Variants in DNAH5 observed in about 807,000 individuals in gnomAD.
DNAH5 encodes the protein dynein axonemal heavy chain 5, also known as axonemal beta dynein heavy chain 5.
DNAH5 carries 372 observed loss-of-function variants against 518.2 expected under a neutral mutation model. The ratio of observed to expected loss-of-function variants is 0.72; its 90% CI spans 0.66 to 0.78. The LOEUF is 0.78. DNAH5 is among the 30% of genes least tolerant of loss of function. DNAH5 has a pLI of 0.00. For missense variants in DNAH5, 5,523 were observed against 5,687.0 expected, an observed-to-expected ratio of 0.97 and a Z score of 0.93; for synonymous variants, 2,039 against 2,025.9, an observed-to-expected ratio of 1.01 and a Z score of -0.17.
rs771039736 is a variant in DNAH5 at position 13,811,769 on chromosome 5, T to C, written c.7285A>G (p.Thr2429Ala). ...CGATACAAGTCTGGGAAAGACTCGG[T>C]GTACAGCTGACGAAGAATTTCTGCT... ...QEAEILRQLYTESFPDLYRFC... is the reference protein window; with the variant it reads ...QEAEILRQLYAESFPDLYRFC... Residue 2429 changes from threonine (T) to alanine (A), a missense_variant, in exon 44 of 79, where the codon ACC (threonine) becomes GCC (alanine). Thr to Ala is a moderately conservative substitution (Grantham distance 58). Around this residue, in one of 3 missense-constraint regions of DNAH5, gnomAD observed 5,121 missense variants for 5,223.3 expected, o/e 0.98. Coordinates refer to ENST00000265104, the MANE Select transcript of DNAH5 (RefSeq NM_001369.3). 1 of 1,614,182 alleles carries C rather than the reference T, an allele frequency of 6.2e-7. No individual in the cohort carries two copies. Among genetic ancestry groups the C allele is most frequent in the Non-Finnish European group, 8.5e-7 (1 of 1,180,028 alleles).
intron 78 of DNAH5, among the ~76,000 whole-genome samples, chr5:13,693,816 G>T (rs10037089): frequency 0.014 from 2,115 of 152,268 alleles, 55 homozygotes; most frequent in African/African-American, 0.047. Flanking sequence ...TCTCATGAAA[G>T]TAATCATTAG....
rs778297153 is a variant in DNAH5 at position 13,776,659 on chromosome 5, G to C, written c.9153C>G (p.Asp3051Glu). Reference protein sequence around the residue: ...ARDEIDEINSDLASVMKKEFP... With the variant: ...ARDEIDEINSELASVMKKEFP... ...ATTCTTTTTTCATGACTGATGCCAG[G>C]TCGCTATTAATTTCATCAATTTCAT... Residue 3051 changes from aspartate to glutamate, a missense_variant, in exon 55 of 79, where the codon GAC becomes GAG. Transcript: ENST00000265104. The C allele has an allele frequency of 6.2e-7, 1 of 1,613,716 alleles. No homozygotes were observed.
chr5:13,839,330 G>T, intron 35 of DNAH5, 26 bp downstream of exon 35: 1 of 1,611,090 alleles, frequency 6.2e-7, no homozygotes, highest in Middle Eastern at 1.7e-4. Context: ...AAAAATGGTG[G>T]GGGTTGGGGA....
chr5:13,690,718 G>T lies in DNAH5; in HGVS notation c.*1266C>A, dbSNP rs1341005922. The stretch of plus-strand genomic sequence containing the variant: ...ACTATATTTTCTAGTCAGTAGGTTA[G>T]ATGAAGAATTATTAATAACATCTAA... On this transcript the variant is annotated 3_prime_UTR_variant, in exon 79 of 79. Transcript: ENST00000265104. 1 of 152,164 alleles carries T rather than the reference G, an allele frequency of 6.6e-6. No homozygotes were observed. The highest frequency in any genetic ancestry group is 1.5e-5 in the Non-Finnish European group (1 of 68,022). The allele number at this position is 152,164 out of a possible 1,614,324, so 9.4% of individuals were successfully genotyped here.
chr5:13,862,092 T>C (rs1461473161), intron 29 of DNAH5, among the ~76,000 whole-genome samples: 1 of 152,208 alleles, frequency 6.6e-6, no homozygotes, highest in Non-Finnish European at 1.5e-5. Flanking sequence ...AAAATGATTA[T>C]TCTGAAATTC....
chr5:13,791,770 T>C (rs112100990), intron 50 of DNAH5, among the ~76,000 whole-genome samples: 3 of 152,338 alleles, frequency 2.0e-5, no homozygotes, highest in African/African-American at 7.2e-5. Flanking sequence ...ATTGTGTATA[T>C]GATGTTCTTA....
chr5:13,953,770 C>T (rs548452226), intron 1 of DNAH5, among the ~76,000 whole-genome samples: 29 of 152,260 alleles, frequency 1.9e-4, no homozygotes, highest in Admixed American at 7.2e-4. Flanking sequence ...TGCAATGGCG[C>T]GATCTCGGCT....
chr5:13,748,190 GATGTGTGGTA>G (rs1349740962), intron 65 of DNAH5, among the ~76,000 whole-genome samples: 6 of 152,164 alleles, frequency 3.9e-5, no homozygotes, highest in Non-Finnish European at 7.4e-5. Flanking sequence ...GATAGTTGTA[GATGTGTGGTA>G]TTATTTCTGA....
At position 13,793,964 on chromosome 5, in the gene DNAH5, A is replaced by T; in HGVS notation, c.7982T>A (p.Met2661Lys). 1 of 1,614,116 alleles carries T rather than the reference A, an allele frequency of 6.2e-7. No homozygotes were observed. The highest frequency in any genetic ancestry group is 8.5e-7 in the Non-Finnish European group (1 of 1,179,962). Residue 2661 changes from methionine (M) to lysine (K), a missense_variant, in exon 48 of 79, where the codon ATG becomes AAG. Physicochemically the swap from Met to Lys is moderately conservative, Grantham distance 95. This residue lies in a region of DNAH5 where 5,121 missense variants were observed against 5,223.3 expected (regional missense o/e 0.98). Coordinates refer to ENST00000265104, the MANE Select transcript of DNAH5 (RefSeq NM_001369.3). ...ATCTCCCCACTCATTGATTATTGGC[A>T]TATTCACATCATCAATAAAAACAGT... ...KMTVFIDDVN[M>K]PIINEWGDQV...
intron 57 of DNAH5, 118 bp from the exon 58 acceptor site, chr5:13,769,254 T>G (rs1342440826): frequency 1.5e-5 from 18 of 1,205,146 alleles, no homozygotes; most frequent in Non-Finnish European, 2.0e-5. Flanking sequence ...GTTGTTTTTT[T>G]TTTTTTTTTT....
At chr5:13,738,801 ACT>A (rs1232654793) in intron 65 of DNAH5, among the ~76,000 whole-genome samples, 2 of 152,030 alleles carry the variant, frequency 1.3e-5, no homozygotes, top group African/African-American at 4.8e-5. Context: ...TATATGAGAG[ACT>A]CTATCTGTGA....
intron 1 of DNAH5, among the ~76,000 whole-genome samples, chr5:13,991,611 G>T (rs1304734371): frequency 6.6e-6 from 1 of 151,514 alleles, no homozygotes; most frequent in Non-Finnish European, 1.5e-5. Context: ...GGAGGAAGGG[G>T]AGAGGGAGAT....
chr5:13,985,723 T>C (rs1783007413), intron 1 of DNAH5, among the ~76,000 whole-genome samples: 1 of 152,088 alleles, frequency 6.6e-6, no homozygotes, highest in Non-Finnish European at 1.5e-5. Flanking sequence ...CAGAAGACCC[T>C]TGAGTCGGGA....
intron 12 of DNAH5, among the ~76,000 whole-genome samples, chr5:13,910,021 AAC>A (rs1357045245): frequency 6.6e-6 from 1 of 152,196 alleles, no homozygotes; most frequent in African/African-American, 2.4e-5. Context: ...CTGCTGAGGA[AAC>A]ACAGGTGAAC....
chr5:13,921,497 A>T (rs1296253278), intron 5 of DNAH5, among the ~76,000 whole-genome samples: 2 of 149,930 alleles, frequency 1.3e-5, no homozygotes, highest in African/African-American at 4.9e-5. Context: ...ACACACACAC[A>T]CACACACACA....
chr5:13,850,777 C>T lies in DNAH5; in HGVS notation c.4989G>A (p.Val1663=), dbSNP rs2151883916. 1 of 1,614,202 alleles carries T rather than the reference C, an allele frequency of 6.2e-7. No individual in the cohort carries two copies. The highest frequency in any genetic ancestry group is 8.5e-7 in the Non-Finnish European group (1 of 1,180,024). ...KRFSNIDKSW[V]KIMTRAHEVP... is the part of the protein sequence containing the mutation. ...CTTCATGTGCCCGAGTCATGATCTT[C>T]ACCCAAGATTTATCTATGTTAGAAA... Residue 1663 remains valine (V), a synonymous_variant, in exon 31 of 79, where the codon GTG becomes GTA. Transcript: ENST00000265104.
rs1761626994 is a variant in DNAH5, at chr5:13,817,672, T to C, written c.6864A>G (p.Glu2288=). The C allele has an allele frequency of 1.9e-6, 3 of 1,614,030 alleles. No homozygotes were observed. The highest frequency in any genetic ancestry group is 2.2e-5 in the South Asian group (2 of 91,086). The change falls in exon 42 of 79, where the codon GAA becomes GAG. Residue 2288 remains glutamate (E), a synonymous_variant. Transcript: ENST00000265104. ...TAATCGCTTTGGGATTCATCCTCAT[T>C]TCCCGATGTGGTTTTCCACAATCTA... The part of the protein sequence containing the change: ...AMTDCGKPHR[E]MRMNPKAITA...
At chr5:13,986,571 C>T (rs1393574302) in intron 1 of DNAH5, among the ~76,000 whole-genome samples, 1 of 152,124 alleles carries the variant, frequency 6.6e-6, no homozygotes, top group African/African-American at 2.4e-5. Flanking sequence ...AGCCAGTCTT[C>T]AGAAAGACAG....
chr5:13,904,359 A>G (rs909848799), intron 12 of DNAH5, among the ~76,000 whole-genome samples: 5 of 148,992 alleles, frequency 3.4e-5, no homozygotes, highest in African/African-American at 1.2e-4. Flanking sequence ...GATATGGATT[A>G]TATTTTTATG....
Sources: allele counts gnomAD v4.1 joint callset (sites outside exome capture counted in the v4.1 genomes callset), GRCh38; gene constraint gnomAD v4.1.1; regional missense constraint gnomAD v4.1.1; transcripts MANE v1.5; gene names NCBI Gene and HGNC (gene_info 2026-07-23, HGNC 2026-07-21).